ARFGEF1: variants seen among roughly 807,000 people sequenced by gnomAD.
ARFGEF1 encodes ARF guanine nucleotide exchange factor 1.
ARFGEF1 carries 42 observed loss-of-function variants against 231.0 expected under a neutral mutation model. That is an observed-to-expected ratio of 0.18 (90% CI 0.14 to 0.24). The LOEUF (loss-of-function observed/expected upper bound fraction) is 0.24. ARFGEF1 is among the 10% of genes least tolerant of loss of function. The probability of loss-of-function intolerance (pLI) is 1.00; values close to 1 mark genes in which losing one functional copy is unlikely to be tolerated. For synonymous variants in ARFGEF1, 710 were observed against 732.3 expected (o/e 0.97, Z 0.49); for missense variants, 1,345 against 2,192.0 (o/e 0.61, Z 7.72).
intron 17 of ARFGEF1, among the ~76,000 whole-genome samples, chr8:67,254,244 C>T (rs1840385117): frequency 1.3e-5 from 2 of 152,136 alleles, no homozygotes; most frequent in South Asian, 4.1e-4. Context: ...GTCTGTAAGA[C>T]GGTAACCCCA....
chr8:67,192,223 T>A (rs1379677592), intron 5 of ARFGEF1, among the ~76,000 whole-genome samples: 1 of 151,984 alleles, frequency 6.6e-6, no homozygotes, highest in Non-Finnish European at 1.5e-5. Context: ...TACAGGTGCA[T>A]GCCAACACGC....
chr8:67,221,501 A>G (rs1256064264), intron 29 of ARFGEF1, among the ~76,000 whole-genome samples: 3 of 152,188 alleles, frequency 2.0e-5, no homozygotes, highest in African/African-American at 4.8e-5. Flanking sequence ...AGAAATAGAA[A>G]AAAGCTTATA....
chr8:67,312,325 G>T (rs541229771), intron 1 of ARFGEF1, among the ~76,000 whole-genome samples: 2 of 150,396 alleles, frequency 1.3e-5, no homozygotes, highest in Admixed American at 6.6e-5. Flanking sequence ...CAGGTAGAAA[G>T]AAATGACATA....
intron 22 of ARFGEF1, among the ~76,000 whole-genome samples, chr8:67,237,482 T>A (rs1839805411): frequency 6.6e-6 from 1 of 152,292 alleles, no homozygotes; most frequent in East Asian, 1.9e-4. Context: ...TTCTAAGAAT[T>A]TTCACTGCTA....
At chr8:67,178,285 G>A (rs1322285479) in intron 5 of ARFGEF1, among the ~76,000 whole-genome samples, 1 of 152,152 alleles carries the variant, frequency 6.6e-6, no homozygotes. Context: ...ATAAGCAAAG[G>A]AAGGGAACAG....
intron 1 of ARFGEF1, among the ~76,000 whole-genome samples, chr8:67,304,202 G>A (rs1047181194): frequency 1.3e-5 from 2 of 152,154 alleles, no homozygotes; most frequent in African/African-American, 4.8e-5. Context: ...TTTAAAAAGC[G>A]ACTTTGACAA....
intron 1 of ARFGEF1, among the ~76,000 whole-genome samples, chr8:67,337,140 A>AAC (rs1808385259): frequency 6.6e-6 from 1 of 151,818 alleles, no homozygotes; most frequent in South Asian, 2.1e-4. Context: ...AAAAAAAAAA[A>AAC]AAAAAAAAAA....
At chr8:67,213,645 A>AT (rs1838826729) in intron 33 of ARFGEF1, among the ~76,000 whole-genome samples, 3 of 152,342 alleles carry the variant, frequency 2.0e-5, no homozygotes, top group Admixed American at 2.0e-4. Context: ...AGCTGAAGGT[A>AT]TTTTATACAT....
At chr8:67,215,286 A>T (rs1587057578) in intron 33 of ARFGEF1, among the ~76,000 whole-genome samples, 1 of 152,116 alleles carries the variant, frequency 6.6e-6, no homozygotes, top group Admixed American at 6.5e-5. Flanking sequence ...TTGATGCTGT[A>T]ATGAGTTTAG....
At chr8:67,193,804 T>C (rs547693669), downstream of ARFGEF1, among the ~76,000 whole-genome samples, 2 of 152,338 alleles carry the variant, frequency 1.3e-5, no homozygotes, top group East Asian at 3.9e-4. Flanking sequence ...TCAGAGAGGG[T>C]GCCCATTTTA....
intron 22 of ARFGEF1, among the ~76,000 whole-genome samples, chr8:67,236,254 G>A (rs1191735192): frequency 2.1e-5 from 3 of 141,332 alleles, no homozygotes; most frequent in African/African-American, 7.9e-5. Context: ...GGAAGCAGAG[G>A]TTGCAGTGAG....
chr8:67,267,976 G>C (rs1234118582), intron 10 of ARFGEF1, among the ~76,000 whole-genome samples: 4 of 152,044 alleles, frequency 2.6e-5, no homozygotes, highest in African/African-American at 9.7e-5. Flanking sequence ...AACTACATAT[G>C]AACTATTTCT....
At chr8:67,310,973 G>GCCCT (rs1806995741) in intron 1 of ARFGEF1, among the ~76,000 whole-genome samples, 1 of 11,834 alleles carries the variant, frequency 8.5e-5, no homozygotes, top group Non-Finnish European at 1.9e-4. Context: ...GGTGGGGCCC[G>GCCCT]GGAGGGAGGT....
downstream of ARFGEF1, among the ~76,000 whole-genome samples, chr8:67,197,418 C>T (rs1838089459): frequency 6.6e-6 from 1 of 152,140 alleles, no homozygotes; most frequent in Non-Finnish European, 1.5e-5. Flanking sequence ...CACTGCACTC[C>T]AGCCTGGACA....
chr8:67,284,732 A>G (rs1157187890), intron 7 of ARFGEF1, among the ~76,000 whole-genome samples: 1 of 152,156 alleles, frequency 6.6e-6, no homozygotes, highest in East Asian at 1.9e-4. Context: ...GACTAATTGT[A>G]TGTTTCCCTC....
intron 1 of ARFGEF1, among the ~76,000 whole-genome samples, chr8:67,315,635 T>A (rs777985975): frequency 6.6e-6 from 1 of 152,004 alleles, no homozygotes; most frequent in Non-Finnish European, 1.5e-5. Flanking sequence ...CAGCCCAGAG[T>A]GTGTTCTCTA....
intron 32 of ARFGEF1, 35 bp downstream of exon 32, chr8:67,217,747 A>G (rs1174902564): frequency 6.2e-7 from 1 of 1,602,066 alleles, no homozygotes; most frequent in Admixed American, 1.7e-5. Context: ...TTCAATATAC[A>G]AATATAAATG....
intron 27 of ARFGEF1, among the ~76,000 whole-genome samples, chr8:67,226,538 G>A (rs942741056): frequency 1.3e-5 from 2 of 152,102 alleles, no homozygotes; most frequent in South Asian, 2.1e-4. Flanking sequence ...ACAGATAGCT[G>A]TAAGCACTAC....
intron 17 of ARFGEF1, among the ~76,000 whole-genome samples, chr8:67,256,401 C>T (rs2128888266): frequency 6.6e-6 from 1 of 152,176 alleles, no homozygotes; most frequent in African/African-American, 2.4e-5. Flanking sequence ...TATGTATATA[C>T]ATATGTATAT....
Sources: gnomAD v4.1 joint callset for allele counts (sites outside exome capture counted in the v4.1 genomes callset) on GRCh38, gnomAD v4.1.1 for gene constraint, MANE v1.5 for transcripts, NCBI Gene and HGNC (gene_info 2026-07-23, HGNC 2026-07-21) for gene names.